Variants in TSPEAR observed in about 807,000 individuals in gnomAD.
The protein encoded by TSPEAR is thrombospondin-type laminin G domain and EAR repeat-containing protein.
In TSPEAR, 69 loss-of-function variants were observed where a neutral mutation model predicts 71.6. The ratio of observed to expected loss-of-function variants is 0.96; its 90% CI spans 0.79 to 1.18. The LOEUF (loss-of-function observed/expected upper bound fraction) is 1.18, where lower values mean the gene tolerates loss of function less well. TSPEAR is among the 50% of genes most tolerant of loss of function. The pLI, the probability that TSPEAR is intolerant of heterozygous loss-of-function variation, is 0.00. For missense variants in TSPEAR, 971 were observed against 894.9 expected (o/e 1.09, Z -1.09); for synonymous variants, 402 against 387.2 (o/e 1.04, Z -0.45).
chr21:44,581,533 T>C (rs1488084241), intron 1 of TSPEAR, among the ~76,000 whole-genome samples: 2 of 152,132 alleles, frequency 1.3e-5, no homozygotes, highest in South Asian at 2.1e-4. Flanking sequence ...TTATAGTTTG[T>C]CTCTCTCTCT....
Position 44,529,951 on chromosome 21 carries a change from G to A in TSPEAR, c.637C>T (p.Leu213=), listed in dbSNP as rs782199761. The A allele has an allele frequency of 1.6e-5, 25 of 1,595,368 alleles. No individual in the cohort carries two copies. The highest frequency in any genetic ancestry group is 2.0e-5 in the Non-Finnish European group (24 of 1,174,548). ...RRRAKGLFMG[L]VRQLVLLPGS... is the part of the protein sequence containing the mutation. Reference sequence around the variant, plus strand: ...GGCAGCAGGACCAGTTGCCTCACCAGTCCCTGCAGAGAGAGGGACAGCTCC... The same window carrying A: ...GGCAGCAGGACCAGTTGCCTCACCAATCCCTGCAGAGAGAGGGACAGCTCC... Residue 213 remains leucine (L), a synonymous_variant, in exon 5 of 12, where the codon CTG becomes TTG. Coordinates refer to ENST00000323084, the MANE Select transcript of TSPEAR (RefSeq NM_144991.3).
intron 1 of TSPEAR, chr21:44,697,161 T>C (rs782761301): frequency 1.3e-6 from 2 of 1,596,926 alleles, no homozygotes; most frequent in Admixed American, 3.4e-5. Context: ...TGTCTCCCTC[T>C]CAGCTCCCCC....
intron 1 of TSPEAR, among the ~76,000 whole-genome samples, chr21:44,610,190 C>T (rs1394415869): frequency 6.6e-6 from 1 of 152,188 alleles, no homozygotes; most frequent in Non-Finnish European, 1.5e-5. Flanking sequence ...AAGCCGGATG[C>T]AGAAATTTGC....
At chr21:44,597,897 C>T (rs1487365546) in intron 1 of TSPEAR, among the ~76,000 whole-genome samples, 8 of 152,086 alleles carry the variant, frequency 5.3e-5, no homozygotes, top group African/African-American at 1.9e-4. Flanking sequence ...TTCTATTTGT[C>T]CCAATTTTTT....
intron 1 of TSPEAR, chr21:44,676,688 A>T: frequency 1.3e-6 from 1 of 771,504 alleles, no homozygotes; most frequent in Non-Finnish European, 2.4e-6. Flanking sequence ...GCTGCCTGTC[A>T]GTGAAGCTAG....
rs1980658029 is a variant in TSPEAR at position 44,599,829 on chromosome 21, C to T, written c.83-31824G>A. The stretch of plus-strand genomic sequence containing the variant: ...ACACTGCAAGCGAAAGCAGTGCTTG[C>T]TGCTTTTCACACGGCAGTGCTGTTG... On this transcript the variant is annotated intron_variant, in intron 1 of 11. Transcript: ENST00000323084. Among the ~76,000 whole-genome samples, 2 of 152,208 alleles carry T rather than the reference C, an allele frequency of 1.3e-5. 1 individual carries two copies. Among genetic ancestry groups the T allele is most frequent in the African/African-American group, 4.8e-5 (2 of 41,454 alleles).
chr21:44,508,950 G>T, intron 10 of TSPEAR: 5 of 1,538,242 alleles, frequency 3.3e-6, no homozygotes, highest in Non-Finnish European at 4.4e-6. Context: ...TGAAGGGGCA[G>T]AACTCCGCAC....
intron 2 of TSPEAR, among the ~76,000 whole-genome samples, chr21:44,535,931 T>C (rs2053084045): frequency 6.8e-6 from 1 of 147,004 alleles, no homozygotes; most frequent in Non-Finnish European, 1.5e-5. Context: ...AAAAAAAAAC[T>C]ATCTATGGGG....
chr21:44,588,652 T>C (rs587695699), intron 1 of TSPEAR, among the ~76,000 whole-genome samples: 1 of 148,762 alleles, frequency 6.7e-6, no homozygotes, highest in African/African-American at 2.4e-5. Flanking sequence ...AACGAGTGGA[T>C]AAAGAAACTT....
At chr21:44,595,582 C>T (rs1555927515) in intron 1 of TSPEAR, among the ~76,000 whole-genome samples, 1 of 152,198 alleles carries the variant, frequency 6.6e-6, no homozygotes, top group African/African-American at 2.4e-5. Flanking sequence ...TTCTGAGCTC[C>T]GGACACCCAG....
chr21:44,555,474 G>A (rs587688609), intron 2 of TSPEAR, among the ~76,000 whole-genome samples: 4 of 152,332 alleles, frequency 2.6e-5, no homozygotes, highest in East Asian at 1.9e-4. Context: ...GCCTGGCTCA[G>A]GACTCCCTGA....
At chr21:44,595,929 T>C (rs1980338301) in intron 1 of TSPEAR, among the ~76,000 whole-genome samples, 1 of 152,226 alleles carries the variant, frequency 6.6e-6, no homozygotes, top group Admixed American at 6.5e-5. Context: ...GTGGTCTGTG[T>C]GTTCATTTTC....
intron 1 of TSPEAR, among the ~76,000 whole-genome samples, chr21:44,698,817 T>C (rs2838645): frequency 0.063 from 9,565 of 152,332 alleles, 398 homozygotes; most frequent in South Asian, 0.13. Context: ...GTCTGAAGCC[T>C]ACTGCCCAGA....
rs1601461435 is a variant in TSPEAR at position 44,593,913 on chromosome 21, G to A, written c.83-25908C>T. Among the ~76,000 whole-genome samples, 1 of 152,314 alleles carries A rather than the reference G, an allele frequency of 6.6e-6. No homozygotes were observed. The highest frequency in any genetic ancestry group is 1.9e-4 in the East Asian group (1 of 5,178). On this transcript the variant is annotated intron_variant, in intron 1 of 11. Coordinates refer to ENST00000323084, the MANE Select transcript of TSPEAR (RefSeq NM_144991.3). The surrounding 1 kb of genome is among the most constrained non-coding windows in gnomAD (Gnocchi z 5.9). The stretch of plus-strand genomic sequence containing the variant: ...GTTCCACAGCCATGACCACAGCTCT[G>A]ACTGGGCAGGAGACTGACTTCAGGA...
Position 44,593,557 on chromosome 21 carries a change from C to T in TSPEAR, c.83-25552G>A, listed in dbSNP as rs1168554407. Among the ~76,000 whole-genome samples the T allele has an allele frequency of 6.6e-6, 1 of 152,170 alleles. No individual in the cohort carries two copies. The highest frequency in any genetic ancestry group is 6.5e-5 in the Admixed American group (1 of 15,286). ...ACGGGGACCCCCGAAAAACTGCGTT[C>T]CTGGCCATGACAGGAAGGGAGGTCA... is the stretch of plus-strand genomic sequence containing the variant. On this transcript the variant is annotated intron_variant, in intron 1 of 11. Transcript: ENST00000323084. This position sits in a 1 kb window ranked among gnomAD's most constrained non-coding sequence, Gnocchi z 5.9.
At chr21:44,622,602 T>C (rs1350407525) in intron 1 of TSPEAR, among the ~76,000 whole-genome samples, 2 of 152,234 alleles carry the variant, frequency 1.3e-5, no homozygotes, top group Non-Finnish European at 2.9e-5. Context: ...AGCTGCCTCA[T>C]GACAATCTTT....
At chr21:44,579,133 C>G (rs1168759984) in intron 1 of TSPEAR, among the ~76,000 whole-genome samples, 2 of 152,150 alleles carry the variant, frequency 1.3e-5, no homozygotes, top group Non-Finnish European at 2.9e-5. Flanking sequence ...GGACCCCAGG[C>G]CAGCTTCCTG....
Position 44,567,766 on chromosome 21 carries a change from T to C in TSPEAR, c.303+19A>G. 6.5e-7 allele frequency: 1 copy of C among 1,541,248 alleles called. No individual in the cohort carries two copies. Among genetic ancestry groups the C allele is most frequent in the Non-Finnish European group, 8.8e-7 (1 of 1,139,024 alleles). On this transcript the variant is annotated intron_variant, in intron 2 of 11. Coordinates refer to ENST00000323084, the MANE Select transcript of TSPEAR (RefSeq NM_144991.3). ...AAAATTACGCTATTATAACACGAAG[T>C]GCAGAAAGTGCCACTGACCTTGGGT...
chr21:44,555,369 AT>A (rs2053509182), intron 2 of TSPEAR, among the ~76,000 whole-genome samples: 1 of 151,686 alleles, frequency 6.6e-6, no homozygotes, highest in African/African-American at 2.4e-5. Context: ...CTCCTCTCCC[AT>A]CCTCCCCAAG....
Sources: gnomAD v4.1 joint callset for allele counts (sites outside exome capture counted in the v4.1 genomes callset) on GRCh38, gnomAD v4.1.1 for gene constraint, Gnocchi (gnomAD v3.1) non-coding constraint, MANE v1.5 for transcripts, NCBI Gene and HGNC (gene_info 2026-07-23, HGNC 2026-07-21) for gene names.